Variants in LMO7 observed in about 807,000 individuals in gnomAD.
LMO7 encodes LIM domain only protein 7.
Under a neutral mutation model 206.5 loss-of-function variants are expected in LMO7, and 120 were observed. The ratio of observed to expected loss-of-function variants is 0.58; its 90% CI spans 0.50 to 0.68. The LOEUF (loss-of-function observed/expected upper bound fraction) is 0.68. Ranked by LOEUF, LMO7 falls within the 30% of genes least tolerant of loss-of-function variation. The pLI is 0.00. For missense variants in LMO7, 1,959 were observed against 1,957.9 expected, an observed-to-expected ratio of 1.00 and a Z score of -0.01; for synonymous variants, 706 against 681.5, an observed-to-expected ratio of 1.04 and a Z score of -0.56.
intron 1 of LMO7, among the ~76,000 whole-genome samples, chr13:75,705,971 T>G (rs2042620889): frequency 6.8e-6 from 1 of 147,578 alleles, no homozygotes; most frequent in South Asian, 2.2e-4. Flanking sequence ...CTTCTTACTT[T>G]CATTCTACAG....
At chr13:75,629,568 C>G (rs149248984) in intron 2 of LMO7, among the ~76,000 whole-genome samples, 1 of 152,270 alleles carries the variant, frequency 6.6e-6, no homozygotes, top group East Asian at 1.9e-4. Flanking sequence ...AAGGGAGAAG[C>G]ACAGGTCAAG....
intron 1 of LMO7, among the ~76,000 whole-genome samples, chr13:75,685,597 T>C (rs2040901518): frequency 7.0e-6 from 1 of 143,084 alleles, no homozygotes; most frequent in African/African-American, 2.7e-5. Context: ...ACTCAGCTGC[T>C]CATTGTTTAT....
At chr13:75,626,595 A>ATATATATATTTTTTTTTTTT in intron 2 of LMO7, among the ~76,000 whole-genome samples, 1 of 71,096 alleles carries the variant, frequency 1.4e-5, no homozygotes, top group Non-Finnish European at 3.6e-5. Flanking sequence ...ATATATATAA[A>ATATATATATTTTTTTTTTTT]TTTTTTTGAG....
chr13:75,723,440 C>T (rs2044197288), intron 2 of LMO7, among the ~76,000 whole-genome samples: 2 of 152,072 alleles, frequency 1.3e-5, no homozygotes, highest in South Asian at 4.1e-4. Context: ...TTGTGAAAAT[C>T]TTTGGAAATA....
chr13:75,657,322 C>T (rs1045093997), intron 1 of LMO7, among the ~76,000 whole-genome samples: 8 of 152,148 alleles, frequency 5.3e-5, no homozygotes, highest in African/African-American at 1.7e-4. Context: ...ATTACAGCAG[C>T]CCTAGGACAT....
At chr13:75,730,680 G>A (rs1384382526) in intron 3 of LMO7, among the ~76,000 whole-genome samples, 3 of 137,422 alleles carry the variant, frequency 2.2e-5, no homozygotes, top group Non-Finnish European at 1.6e-5. Context: ...GCTTTTGAAT[G>A]TGTTTGCTCT....
At chr13:75,808,398 A>C (rs1178802569) in intron 10 of LMO7, among the ~76,000 whole-genome samples, 199 bp downstream of exon 10, 3 of 152,184 alleles carry the variant, frequency 2.0e-5, no homozygotes, top group Non-Finnish European at 4.4e-5. Context: ...GCATATCTCT[A>C]AATAACTTAT....
chr13:75,833,668 A>T (rs1301968511), intron 16 of LMO7, among the ~76,000 whole-genome samples: 1 of 152,132 alleles, frequency 6.6e-6, no homozygotes. Flanking sequence ...GCAAAACATT[A>T]CAAGGCCTAA....
At chr13:75,760,730 C>T (rs914027261) in intron 3 of LMO7, 52 of 1,534,864 alleles carry the variant, frequency 3.4e-5, no homozygotes, top group African/African-American at 1.5e-4. Flanking sequence ...TAAGATAGCA[C>T]GACTGTGTAT....
chr13:75,796,877 A>G, intron 6 of LMO7, 128 bp downstream of exon 6: 4 of 640,236 alleles, frequency 6.2e-6, no homozygotes, highest in East Asian at 5.5e-5. Flanking sequence ...TCTTTGTCCT[A>G]CTATCAATTG....
chr13:75,769,728 A>G (rs548965227), intron 4 of LMO7, among the ~76,000 whole-genome samples: 9 of 152,240 alleles, frequency 5.9e-5, no homozygotes, highest in Admixed American at 5.2e-4. Flanking sequence ...CAATTTAACA[A>G]GGGTTTGCTC....
At chr13:75,709,338 G>T (rs61958144) in intron 1 of LMO7, among the ~76,000 whole-genome samples, 9,416 of 151,920 alleles carry the variant, frequency 0.062, 139 homozygotes, top group Admixed American at 0.15. Context: ...GGGTCAAATG[G>T]TATTTCTACT....
intron 15 of LMO7, among the ~76,000 whole-genome samples, chr13:75,831,588 T>A (rs1179746045): frequency 2.0e-5 from 3 of 152,152 alleles, no homozygotes; most frequent in Non-Finnish European, 4.4e-5. Context: ...CAACATCTGC[T>A]TGGCTTCAGG....
chr13:75,807,367 CT>C (rs1311004912), intron 9 of LMO7, 112 bp from the exon 10 acceptor site: 17 of 1,074,526 alleles, frequency 1.6e-5, no homozygotes, highest in African/African-American at 1.3e-4. Context: ...ATGATTTACC[CT>C]CAGTAACTGG....
intron 7 of LMO7, among the ~76,000 whole-genome samples, chr13:75,802,936 A>T (rs1358432649): frequency 2.0e-5 from 3 of 152,178 alleles, no homozygotes; most frequent in Non-Finnish European, 4.4e-5. Flanking sequence ...ACTTTGGGGG[A>T]AAAAATTCTC....
chr13:75,821,183 CCAAAAT>C lies in LMO7; in HGVS notation c.2220_2225del (p.Asn740_Gln741del). 2.5e-6 allele frequency: 4 copies of C among 1,598,940 alleles called. No individual in the cohort carries two copies. Among genetic ancestry groups the C allele is most frequent in the Non-Finnish European group, 3.4e-6 (4 of 1,174,528 alleles). On this transcript the variant is annotated inframe_deletion, in exon 14 of 31. Coordinates refer to ENST00000377534, the MANE Select transcript of LMO7 (RefSeq NM_001306080.2). Reference sequence around the variant, plus strand: ...TGCATTTCTCTCCGCTAAGGGAATCCCAAAATCAAAAGTCTACAGTTCCGTCAAGAA... The same window carrying C: ...TGCATTTCTCTCCGCTAAGGGAATCCCAAAAGTCTACAGTTCCGTCAAGAA...
rs2057561902 is a variant in LMO7 at position 75,821,433 on chromosome 13, C to T, written c.2464C>T (p.Pro822Ser). Residue 822 changes from proline to serine, a missense_variant, in exon 14 of 31, where the codon CCA (proline) becomes TCA (serine). By Grantham distance (74) the Pro-to-Ser change is moderately conservative (BLOSUM62 -1). Transcript: ENST00000377534. ...PSQSPVEEQS[P>S]ASLSSLRSRS... The stretch of plus-strand genomic sequence containing the variant: ...TCAAAGTCCTGTGGAAGAACAAAGC[C>T]CAGCCTCTTTGTCTTCTCTGCGTTC... 1 of 1,614,004 alleles carries T rather than the reference C, an allele frequency of 6.2e-7. No individual in the cohort carries two copies. The highest frequency in any genetic ancestry group is 8.5e-7 in the Non-Finnish European group (1 of 1,180,022).
At chr13:75,627,014 A>G (rs2034285252) in intron 2 of LMO7, 1 of 152,168 alleles carries the variant, frequency 6.6e-6, no homozygotes. Context: ...TATTATAAAA[A>G]TTGTAGTTTA....
At chr13:75,622,648 G>C (rs1005665569) in intron 1 of LMO7, among the ~76,000 whole-genome samples, 4 of 152,134 alleles carry the variant, frequency 2.6e-5, no homozygotes, top group African/African-American at 9.7e-5. Flanking sequence ...ACTGATTTAC[G>C]ATCACTCTCC....
Sources: allele counts gnomAD v4.1 joint callset (sites outside exome capture counted in the v4.1 genomes callset), GRCh38; gene constraint gnomAD v4.1.1; transcripts MANE v1.5; gene names NCBI Gene and HGNC (gene_info 2026-07-23, HGNC 2026-07-21).